The following URB2 variants were observed in gnomAD, a reference collection of about 807,000 sequenced individuals.
URB2 encodes the protein unhealthy ribosome biogenesis protein 2 homolog.
Under a neutral mutation model 120.9 loss-of-function variants are expected in URB2, and 86 were observed. That is an observed-to-expected ratio of 0.71 (90% CI 0.60 to 0.85). The LOEUF (loss-of-function observed/expected upper bound fraction) is 0.85, where lower values mean the gene tolerates loss of function less well. Among genes scored for constraint, URB2 ranks in the 40% least tolerant of loss-of-function variants. The pLI is 0.00. For missense variants in URB2, 1,765 were observed against 1,836.5 expected (o/e 0.96, Z 0.71); for synonymous variants, 755 against 758.4 (o/e 1.00, Z 0.07).
intron 2 of URB2, 124 bp downstream of exon 2, chr1:229,627,883 G>A (rs1665551905): frequency 8.3e-7 from 1 of 1,210,076 alleles, no homozygotes; most frequent in Non-Finnish European, 1.1e-6. Flanking sequence ...GAACTTTGTT[G>A]GAAGTTAAAT....
At chr1:229,655,522 C>T (rs1666385785) in intron 9 of URB2, among the ~76,000 whole-genome samples, 1 of 152,214 alleles carries the variant, frequency 6.6e-6, no homozygotes, top group Non-Finnish European at 1.5e-5. Context: ...GTGTGAGCCA[C>T]CGCGCCCAGC....
At chr1:229,653,228 T>TA (rs1432912915) in intron 8 of URB2, among the ~76,000 whole-genome samples, 1 of 152,218 alleles carries the variant, frequency 6.6e-6, no homozygotes, top group East Asian at 1.9e-4. Flanking sequence ...ATTACATCTA[T>TA]AAAAGATGTC....
chr1:229,656,526 C>T (rs12745369), intron 9 of URB2, among the ~76,000 whole-genome samples: 61,260 of 152,134 alleles, frequency 0.4, 12,784 homozygotes, highest in Middle Eastern at 0.49. Context: ...TTAAATTCAG[C>T]AATGAAGAAA....
At position 229,636,562 on chromosome 1, in the gene URB2, G is replaced by A. The variant is rs1367545921; in HGVS notation, c.1949G>A (p.Gly650Asp). 1.2e-6 allele frequency: 2 copies of A among 1,614,162 alleles called. No homozygotes were observed. Among genetic ancestry groups the A allele is most frequent in the South Asian group, 1.1e-5 (1 of 91,078 alleles). The stretch of plus-strand genomic sequence containing the variant: ...TCGAACCTCCCTTCGTTGCTCCCAG[G>A]TGTAAAAACACAGCATTGGAAGAAG... The part of the protein sequence containing the change: ...EISNLPSLLP[G>D]VKTQHWKKIE... Residue 650 changes from glycine to aspartate, a missense_variant, in exon 4 of 10, where the codon GGT (glycine) becomes GAT (aspartate). By Grantham distance (94) the Gly-to-Asp change is moderately conservative. Coordinates refer to ENST00000258243, the MANE Select transcript of URB2 (RefSeq NM_014777.4).
chr1:229,632,283 G>A lies in URB2; in HGVS notation c.141G>A (p.Trp47Ter), dbSNP rs766842130. Residue 47 changes from tryptophan to a stop codon, truncating the protein, a stop_gained, in exon 3 of 10, where the codon TGG (tryptophan) becomes TGA (stop). Transcript: ENST00000258243. LOFTEE classifies it high-confidence loss of function. ...LPNKEQVLLDWARQSLVAFYK... is the reference protein window; with the variant it reads ...LPNKEQVLLD ...TTCAAATTCAGGTGTTACTTGATTGGGCAAGACAATCATTGGTTGCATTTT... is the reference window on the plus strand; with the variant it reads ...TTCAAATTCAGGTGTTACTTGATTGAGCAAGACAATCATTGGTTGCATTTT... 6.4e-7 allele frequency: 1 copy of A among 1,565,176 alleles called. No homozygotes were observed. Among genetic ancestry groups the A allele is most frequent in the Non-Finnish European group, 8.6e-7 (1 of 1,163,774 alleles).
Position 229,659,173 on chromosome 1 carries a change from C to A in URB2, c.4451C>A (p.Pro1484His), listed in dbSNP as rs1210506541. Reference sequence around the variant, plus strand: ...CTCATCCTGGACCTCTGCATCGAGCCTGACGTCCAGTTCCTGCGGGCCTCG... The same window carrying A: ...CTCATCCTGGACCTCTGCATCGAGCATGACGTCCAGTTCCTGCGGGCCTCG... Reference protein sequence around the residue: ...IYLILDLCIEPDVQFLRASLQ... With the variant: ...IYLILDLCIEHDVQFLRASLQ... Residue 1484 changes from proline (P) to histidine (H), a missense_variant, in exon 10 of 10, where the codon CCT (proline) becomes CAT (histidine). Coordinates refer to ENST00000258243, the MANE Select transcript of URB2 (RefSeq NM_014777.4). 1.2e-6 allele frequency: 2 copies of A among 1,613,368 alleles called. No homozygotes were observed. Among genetic ancestry groups the A allele is most frequent in the Non-Finnish European group, 1.7e-6 (2 of 1,180,056 alleles).
chr1:229,650,056 T>A (rs1666231274), intron 7 of URB2, among the ~76,000 whole-genome samples: 1 of 152,228 alleles, frequency 6.6e-6, no homozygotes, highest in African/African-American at 2.4e-5. Context: ...AAGTCAGTAA[T>A]TTGACATGAC....
In URB2 at chr1:229,627,388, T is replaced by C. The variant is rs371000000; in HGVS notation, c.-13-233T>C. ...GCTGGAATACATATAGTCCATCTTC[T>C]GTGTGTGCAGTCCATCTTTTGCTTG... On this transcript the variant is annotated intron_variant, in intron 1 of 9. Coordinates refer to ENST00000258243, the MANE Select transcript of URB2 (RefSeq NM_014777.4). Among the ~76,000 whole-genome samples, 41 of 152,366 alleles carry C rather than the reference T, an allele frequency of 2.7e-4. No individual in the cohort carries two copies. The East Asian group carries it at 6.9e-3, about 26-fold the overall frequency.
At chr1:229,646,523 C>T (rs1666149648) in intron 6 of URB2, among the ~76,000 whole-genome samples, 1 of 152,048 alleles carries the variant, frequency 6.6e-6, no homozygotes, top group Non-Finnish European at 1.5e-5. Context: ...TTCTTTGTCC[C>T]CACAAAATGT....
At chr1:229,644,319 T>C (rs972494762) in intron 5 of URB2, among the ~76,000 whole-genome samples, 7 of 152,280 alleles carry the variant, frequency 4.6e-5, no homozygotes, top group African/African-American at 1.4e-4. Flanking sequence ...AGGCATATTC[T>C]GCCTCATGAA....
intron 7 of URB2, among the ~76,000 whole-genome samples, chr1:229,650,341 G>A (rs959500310): frequency 4.6e-5 from 7 of 152,164 alleles, no homozygotes; most frequent in African/African-American, 1.4e-4. Context: ...AGTCACATGT[G>A]GCTGGTGGTG....
At chr1:229,630,086 C>G (rs1245908063) in intron 2 of URB2, among the ~76,000 whole-genome samples, 1 of 152,172 alleles carries the variant, frequency 6.6e-6, no homozygotes, top group Non-Finnish European at 1.5e-5. Flanking sequence ...TCAAAGTCAT[C>G]CATGAGGACT....
chr1:229,642,585 T>C (rs1210005970), intron 4 of URB2, among the ~76,000 whole-genome samples: 2 of 152,152 alleles, frequency 1.3e-5, no homozygotes, highest in African/African-American at 4.8e-5. Context: ...CTTTGGGCGT[T>C]ATTGTGAAAC....
intron 7 of URB2, among the ~76,000 whole-genome samples, chr1:229,648,449 A>G (rs1666202135): frequency 6.6e-6 from 1 of 152,224 alleles, no homozygotes; most frequent in South Asian, 2.1e-4. Flanking sequence ...TATAATTCAA[A>G]TGGATATAGG....
At chr1:229,649,839 A>G (rs1173046897) in intron 7 of URB2, among the ~76,000 whole-genome samples, 3 of 152,204 alleles carry the variant, frequency 2.0e-5, no homozygotes, top group Admixed American at 1.3e-4. Context: ...TTTGCAGATG[A>G]GGAAACTGAG....
intron 4 of URB2, among the ~76,000 whole-genome samples, chr1:229,641,899 A>G (rs1443183490): frequency 6.6e-6 from 1 of 151,836 alleles, no homozygotes; most frequent in African/African-American, 2.4e-5. Flanking sequence ...GGTCCCAACT[A>G]CTCCGAAGGC....
In URB2 at chr1:229,656,464, C is replaced by T. The variant is rs141229142; in HGVS notation, c.4377+2076C>T. On this transcript the variant is annotated intron_variant, in intron 9 of 9. Coordinates refer to ENST00000258243, the MANE Select transcript of URB2 (RefSeq NM_014777.4). ...CTTTGGGAATTAGCTAGGGCCATAGCCTCCCAGAATCCACTGGCACCACAG... is the reference window on the plus strand; with the variant it reads ...CTTTGGGAATTAGCTAGGGCCATAGTCTCCCAGAATCCACTGGCACCACAG... Among the ~76,000 whole-genome samples the T allele has an allele frequency of 2.1e-3, 324 of 152,314 alleles. 1 individual carries two copies. The highest frequency in any genetic ancestry group is 0.011 in the South Asian group (51 of 4,820).
chr1:229,632,540 A>G (rs897208662), intron 3 of URB2, 95 bp downstream of exon 3: 1 of 1,124,080 alleles, frequency 8.9e-7, no homozygotes, highest in Middle Eastern at 2.1e-4. Flanking sequence ...GTATGAAGAT[A>G]TAGGAAATAC....
chr1:229,635,360 G>C lies in URB2; in HGVS notation c.747G>C (p.Glu249Asp). ...AMFRGGIFQP[E>D]LLSSYKEGLL... ...TCCGAGGAGGGATTTTTCAGCCTGAGCTACTGTCATCCTACAAGGAGGGGC... is the reference window on the plus strand; with the variant it reads ...TCCGAGGAGGGATTTTTCAGCCTGACCTACTGTCATCCTACAAGGAGGGGC... Residue 249 changes from glutamate to aspartate, a missense_variant, in exon 4 of 10, where the codon GAG becomes GAC. By Grantham distance (45) the Glu-to-Asp change is conservative. Transcript: ENST00000258243. The C allele has an allele frequency of 1.2e-6, 2 of 1,614,164 alleles. No homozygotes were observed. Among genetic ancestry groups the C allele is most frequent in the Non-Finnish European group, 1.7e-6 (2 of 1,180,020 alleles).
Sources: allele counts gnomAD v4.1 joint callset (sites outside exome capture counted in the v4.1 genomes callset), GRCh38; gene constraint gnomAD v4.1.1; transcripts MANE v1.5; gene names NCBI Gene and HGNC (gene_info 2026-07-23, HGNC 2026-07-21).